The following PRSS57 variants were observed in gnomAD, a reference collection of about 807,000 sequenced individuals.
PRSS57 encodes the protein serine protease 57, also known as neutrophil serine protease 4.
A neutral mutation model predicts 20.6 loss-of-function variants in PRSS57; 19 were observed. The observed-to-expected ratio is 0.92, with a 90% CI of 0.64 to 1.35. The LOEUF (loss-of-function observed/expected upper bound fraction) is 1.35, where lower values mean the gene tolerates loss of function less well. Ranked by LOEUF, PRSS57 falls within the 40% of genes most tolerant of loss-of-function variation. PRSS57 has a pLI of 0.00. For synonymous variants in PRSS57, 203 were observed against 176.6 expected, an observed-to-expected ratio of 1.15 and a Z score of -1.19; for missense variants, 440 against 403.7, an observed-to-expected ratio of 1.09 and a Z score of -0.77.
At chr19:689,022 A>T (rs2031554833) in intron 3 of PRSS57, among the ~76,000 whole-genome samples, 2 of 152,182 alleles carry the variant, frequency 1.3e-5, no homozygotes, top group Admixed American at 6.6e-5. Flanking sequence ...GGTGATAAAA[A>T]ATCCCTGCCC....
chr19:695,405 C>A lies in PRSS57; in HGVS notation c.26G>T (p.Gly9Val). Residue 9 changes from glycine to valine, a missense_variant, in exon 1 of 5, where the codon GGA becomes GTA. Transcript: ENST00000329267. Reference protein sequence around the residue: MGLGLRGWGRPLLTVATAL... With the variant: MGLGLRGWVRPLLTVATAL... ...GGTGGCCACAGTCAGCAGAGGACGT[C>A]CCCAGCCCCTCAACCCGAGCCCCAT... The A allele has an allele frequency of 1.6e-6, 2 of 1,276,108 alleles. No homozygotes were observed. The highest frequency in any genetic ancestry group is 2.0e-6 in the Non-Finnish European group (2 of 1,005,284). The allele number at this position is 1,276,108 out of a possible 1,614,324, so 79.0% of individuals were successfully genotyped here.
In PRSS57 at chr19:691,884, G is replaced by C; in HGVS notation, c.352C>G (p.His118Asp). The C allele has an allele frequency of 1.5e-6, 2 of 1,335,170 alleles. No individual in the cohort carries two copies. The highest frequency in any genetic ancestry group is 9.7e-7 in the Non-Finnish European group (1 of 1,033,246). The allele number at this position is 1,335,170 out of a possible 1,614,324, so 82.7% of individuals were successfully genotyped here. Residue 118 changes from histidine (H) to aspartate (D), a missense_variant, in exon 3 of 5, where the codon CAC (histidine) becomes GAC (aspartate). Transcript: ENST00000329267. ...CGCAGCAGGCAGATGTCGTTGGCGT[G>C]GGTCATGGGGTGGTAGTCGGGGTGT... The part of the protein sequence containing the change: ...TTHPDYHPMT[H>D]ANDICLLRLN...
chr19:691,637 T>G (rs1235577263), intron 3 of PRSS57, among the ~76,000 whole-genome samples: 1 of 151,456 alleles, frequency 6.6e-6, no homozygotes, highest in Non-Finnish European at 1.5e-5. Context: ...CTGGCCAACA[T>G]GGTGAAACCC....
intron 4 of PRSS57, among the ~76,000 whole-genome samples, chr19:686,681 C>G (rs2031482505): frequency 6.6e-6 from 1 of 152,162 alleles, no homozygotes. Flanking sequence ...TTACTACCCT[C>G]TACTGAATAC....
chr19:694,183 C>A (rs1028774527), intron 2 of PRSS57, among the ~76,000 whole-genome samples: 4 of 152,082 alleles, frequency 2.6e-5, no homozygotes, highest in Non-Finnish European at 4.4e-5. Context: ...CAGCCCAGGA[C>A]CAACCTATCC....
chr19:689,349 G>C (rs935603587), intron 3 of PRSS57, among the ~76,000 whole-genome samples: 4 of 151,632 alleles, frequency 2.6e-5, no homozygotes, highest in Admixed American at 2.6e-4. Flanking sequence ...TCCTGGGAAG[G>C]TAACATTTGA....
chr19:686,497 A>G (rs1272409480), intron 4 of PRSS57, among the ~76,000 whole-genome samples: 1 of 152,090 alleles, frequency 6.6e-6, no homozygotes, highest in African/African-American at 2.4e-5. Flanking sequence ...GCATCGGGAA[A>G]GTGGACAGTC....
intron 3 of PRSS57, 54 bp downstream of exon 3, chr19:691,804 G>C (rs2031655563): frequency 7.7e-7 from 1 of 1,302,916 alleles, no homozygotes; most frequent in African/African-American, 1.5e-5. Context: ...GAGCGACAGA[G>C]CGAGAGACTG....
In PRSS57 at chr19:687,158, C is replaced by G; in HGVS notation, c.409G>C (p.Val137Leu). ...LNGSAVLGPA[V>L]GLLRPPGRRA... is the part of the protein sequence containing the mutation. ...CTCCCTGGCGGCCTCAGCAGCCCCA[C>G]TGCAGGGCCCAGGACAGCAGAGCCG... Residue 137 changes from valine to leucine, a missense_variant, in exon 4 of 5, where the codon GTG (valine) becomes CTG (leucine). Transcript: ENST00000329267. 6.3e-7 allele frequency: 1 copy of G among 1,589,854 alleles called. No individual in the cohort carries two copies. The highest frequency in any genetic ancestry group is 8.6e-7 in the Non-Finnish European group (1 of 1,168,014).
intron 3 of PRSS57, among the ~76,000 whole-genome samples, chr19:689,143 C>T (rs372401808): frequency 0.17 from 15,169 of 88,298 alleles, 1,128 homozygotes; most frequent in African/African-American, 0.23. Context: ...CAGGTGACGA[C>T]GGTGCTAGAA....
In PRSS57 at chr19:694,770, G is replaced by C. The variant is rs561680418; in HGVS notation, c.233+44C>G. The C allele has an allele frequency of 3.2e-6, 5 of 1,563,220 alleles. No individual in the cohort carries two copies. In the African/African-American group the frequency reaches 5.5e-5, roughly 17 times the overall value. ...ACCAGCCTGGAGTCCCCCTCATGTCGGGATACGGTGTCCAGAAAGAAGGGG... is the reference window on the plus strand; with the variant it reads ...ACCAGCCTGGAGTCCCCCTCATGTCCGGATACGGTGTCCAGAAAGAAGGGG... On this transcript the variant is annotated intron_variant, in intron 2 of 4. Coordinates refer to ENST00000329267, the MANE Select transcript of PRSS57 (RefSeq NM_001308209.2).
intron 1 of PRSS57, 41 bp downstream of exon 1, chr19:695,311 C>A (rs1346949994): frequency 1.9e-6 from 2 of 1,058,812 alleles, no homozygotes; most frequent in African/African-American, 3.3e-5. Context: ...CGTACGGGGA[C>A]TTGGCGGGGG....
chr19:690,725 G>A, intron 3 of PRSS57: 1 of 348,318 alleles, frequency 2.9e-6, no homozygotes, highest in South Asian at 2.8e-5. Flanking sequence ...CGTCGGTCTG[G>A]GTGTTGAGTG....
chr19:686,871 G>C, intron 4 of PRSS57, 54 bp downstream of exon 4: 1 of 1,571,712 alleles, frequency 6.4e-7, no homozygotes. Context: ...GACCCTCTCT[G>C]TGGGCCTTGG....
intron 4 of PRSS57, 96 bp downstream of exon 4, chr19:686,829 G>A (rs1031266354): frequency 6.3e-6 from 9 of 1,433,542 alleles, no homozygotes; most frequent in African/African-American, 1.4e-5. Flanking sequence ...CAACATCAAT[G>A]GGACTCAGTT....
chr19:685,987 C>T, intron 4 of PRSS57, 65 bp from the exon 5 acceptor site: 2 of 1,351,728 alleles, frequency 1.5e-6, no homozygotes, highest in South Asian at 2.6e-5. Flanking sequence ...CTCACCACGG[C>T]CCTCCCTGCC....
intron 3 of PRSS57, among the ~76,000 whole-genome samples, chr19:689,109 CCGGAAGGG>C (rs2031559442): frequency 6.7e-6 from 1 of 150,316 alleles, no homozygotes; most frequent in Non-Finnish European, 1.5e-5. Flanking sequence ...GACGACGGGG[CCGGAAGGG>C]TGGTCCAGGG....
rs376136075 is a variant in PRSS57 at position 685,875 on chromosome 19, G to C, written c.690C>G (p.Leu230=). ...PLVCRNRAHG[L]VSFSGLWCGD... ...CGCACCAGAGGCCCGAGAAGGAAAC[G>C]AGGCCGTGAGCCCGGTTCCTGCACA... The change falls in exon 5 of 5, where the codon CTC becomes CTG. Residue 230 remains leucine (L), a synonymous_variant. Transcript: ENST00000329267. 1.3e-6 allele frequency: 2 copies of C among 1,554,926 alleles called. No individual in the cohort carries two copies. The highest frequency in any genetic ancestry group is 3.9e-5 in the Admixed American group (2 of 51,716).
rs1692662361 is a variant in PRSS57, at chr19:687,159, T to C, written c.408A>G (p.Ala136=). The part of the protein sequence containing the change: ...RLNGSAVLGP[A]VGLLRPPGRR... ...TCCCTGGCGGCCTCAGCAGCCCCACTGCAGGGCCCAGGACAGCAGAGCCGT... is the reference window on the plus strand; with the variant it reads ...TCCCTGGCGGCCTCAGCAGCCCCACCGCAGGGCCCAGGACAGCAGAGCCGT... The change falls in exon 4 of 5, where the codon GCA becomes GCG. Residue 136 remains alanine (A), a synonymous_variant. Transcript: ENST00000329267. 2 of 1,589,764 alleles carry C rather than the reference T, an allele frequency of 1.3e-6. No homozygotes were observed. Among genetic ancestry groups the C allele is most frequent in the Non-Finnish European group, 1.7e-6 (2 of 1,167,926 alleles).
Sources: allele counts gnomAD v4.1 joint callset (sites outside exome capture counted in the v4.1 genomes callset), GRCh38; gene constraint gnomAD v4.1.1; transcripts MANE v1.5; gene names NCBI Gene and HGNC (gene_info 2026-07-23, HGNC 2026-07-21).